The following ASAP1 variants were observed in gnomAD, a reference collection of about 807,000 sequenced individuals.
The protein encoded by ASAP1 is ArfGAP with SH3 domain, ankyrin repeat and PH domain 1, also known as arf-GAP with SH3 domain, ANK repeat and PH domain-containing protein 1.
A neutral mutation model predicts 145.2 loss-of-function variants in ASAP1; 43 were observed. That is an observed-to-expected ratio of 0.30 (90% CI 0.23 to 0.38). ASAP1 has a LOEUF of 0.38. Among genes scored for constraint, ASAP1 ranks in the 10% least tolerant of loss-of-function variants. The pLI is 1.00. For synonymous variants in ASAP1, 546 were observed against 515.5 expected, an observed-to-expected ratio of 1.06 and a Z score of -0.80; for missense variants, 1,018 against 1,355.3, an observed-to-expected ratio of 0.75 and a Z score of 3.91.
At chr8:130,270,600 A>C (rs954307384) in intron 3 of ASAP1, among the ~76,000 whole-genome samples, 4 of 152,226 alleles carry the variant, frequency 2.6e-5, no homozygotes, top group African/African-American at 9.6e-5. Context: ...TAAGAACACA[A>C]AAACTAAACC....
At chr8:130,125,907 T>G (rs778711222) in intron 17 of ASAP1, 49 bp downstream of exon 17, 1 of 1,544,344 alleles carries the variant, frequency 6.5e-7, no homozygotes, top group Non-Finnish European at 8.7e-7. Context: ...TATATTAAAA[T>G]TACTCATGAC....
At chr8:130,288,459 G>A (rs1466124940) in intron 3 of ASAP1, among the ~76,000 whole-genome samples, 2 of 152,090 alleles carry the variant, frequency 1.3e-5, no homozygotes, top group African/African-American at 2.4e-5. Context: ...ATTTGGAGGC[G>A]CAGTGTCCTA....
intron 14 of ASAP1, among the ~76,000 whole-genome samples, chr8:130,135,502 C>A (rs1162584602): frequency 2.7e-5 from 4 of 146,452 alleles, no homozygotes; most frequent in African/African-American, 1.0e-4. Context: ...AAAAACAAAA[C>A]AAAAAAAACC....
At chr8:130,063,405 C>A (rs2097423378) in intron 27 of ASAP1, among the ~76,000 whole-genome samples, 1 of 152,146 alleles carries the variant, frequency 6.6e-6, no homozygotes, top group South Asian at 2.1e-4. Context: ...GGTATTTAGA[C>A]CCTGTTCCAC....
rs542889053 is a variant in ASAP1, at chr8:130,121,319, G to A, written c.1608-2644C>T. Among the ~76,000 whole-genome samples, 4 of 152,330 alleles carry A rather than the reference G, an allele frequency of 2.6e-5. No homozygotes were observed. In the South Asian group the frequency reaches 8.3e-4, roughly 32 times the overall value. On this transcript the variant is annotated intron_variant, in intron 18 of 29. Coordinates refer to ENST00000518721, the MANE Select transcript of ASAP1 (RefSeq NM_018482.4). Reference sequence around the variant, plus strand: ...CTCAGCCCTACTGACATTTGGGGCTGGGTACATTCTTTTCTCTTGACAGCT... The same window carrying A: ...CTCAGCCCTACTGACATTTGGGGCTAGGTACATTCTTTTCTCTTGACAGCT...
At chr8:130,213,329 G>A (rs961796192) in intron 5 of ASAP1, among the ~76,000 whole-genome samples, 8 of 152,192 alleles carry the variant, frequency 5.3e-5, no homozygotes, top group African/African-American at 1.9e-4. Flanking sequence ...AAACTGTCAG[G>A]AAGACAGACA....
intron 1 of ASAP1, among the ~76,000 whole-genome samples, chr8:130,406,133 C>T (rs1011099302): frequency 6.6e-6 from 1 of 152,176 alleles, no homozygotes; most frequent in African/African-American, 2.4e-5. Context: ...GAATACATTT[C>T]AATTACCATA....
chr8:130,380,019 T>TA (rs912933383), intron 2 of ASAP1, among the ~76,000 whole-genome samples: 2 of 152,194 alleles, frequency 1.3e-5, no homozygotes, highest in Admixed American at 6.5e-5. Flanking sequence ...AGTGGGCAGC[T>TA]AGCCTGCACC....
At chr8:130,101,508 GATTT>G (rs1382939726) in intron 24 of ASAP1, among the ~76,000 whole-genome samples, 3 of 151,886 alleles carry the variant, frequency 2.0e-5, no homozygotes, top group African/African-American at 7.3e-5. Flanking sequence ...TCCTTGGTTA[GATTT>G]ATTCCTGGGT....
chr8:130,123,899 A>G lies in ASAP1; in HGVS notation c.1607+114T>C, dbSNP rs193149578. On this transcript the variant is annotated intron_variant, in intron 18 of 29. Coordinates refer to ENST00000518721, the MANE Select transcript of ASAP1 (RefSeq NM_018482.4). Reference sequence around the variant, plus strand: ...TGCCTCAGCCTCCCAAAGTGCTGGGATTACAGGCGTGAGCCACTGCACCCA... The same window carrying G: ...TGCCTCAGCCTCCCAAAGTGCTGGGGTTACAGGCGTGAGCCACTGCACCCA... 248 of 709,176 alleles carry G rather than the reference A, an allele frequency of 3.5e-4. 2 individuals carry two copies. In the East Asian group the frequency reaches 6.3e-3, roughly 18 times the overall value. 43.9% of individuals were successfully genotyped at this position (709,176 alleles called of 1,614,324 possible). A position where few individuals can be genotyped will look rare whatever the true frequency, so the allele number is the denominator to read the frequency against.
chr8:130,309,807 T>A (rs1357600561), intron 3 of ASAP1, among the ~76,000 whole-genome samples: 2 of 152,198 alleles, frequency 1.3e-5, no homozygotes, highest in African/African-American at 2.4e-5. Flanking sequence ...AATCACAAGC[T>A]GTACTGCCAG....
At chr8:130,188,231 C>T (rs1268623659) in intron 5 of ASAP1, 48 bp from the exon 6 acceptor site, 3 of 1,456,180 alleles carry the variant, frequency 2.1e-6, no homozygotes, top group Non-Finnish European at 2.9e-6. Flanking sequence ...ATAAAGTCCA[C>T]ATGAACAATA....
At chr8:130,190,100 C>T (rs1166759653) in intron 5 of ASAP1, among the ~76,000 whole-genome samples, 1 of 152,164 alleles carries the variant, frequency 6.6e-6, no homozygotes, top group Non-Finnish European at 1.5e-5. Context: ...TGGGTTGTCT[C>T]TTCACTTTGT....
At chr8:130,362,388 CTTTT>C (rs1261433460) in intron 2 of ASAP1, among the ~76,000 whole-genome samples, 2 of 152,186 alleles carry the variant, frequency 1.3e-5, no homozygotes, top group African/African-American at 4.8e-5. Context: ...AGGGAACACA[CTTTT>C]TATTACATGG....
chr8:130,166,950 A>G (rs1192555357), intron 11 of ASAP1, among the ~76,000 whole-genome samples: 1 of 152,232 alleles, frequency 6.6e-6, no homozygotes. Flanking sequence ...AAGTTGTAGA[A>G]TGTACTATGT....
chr8:130,271,630 G>C (rs1229521725), intron 3 of ASAP1, among the ~76,000 whole-genome samples: 1 of 152,140 alleles, frequency 6.6e-6, no homozygotes, highest in East Asian at 1.9e-4. Flanking sequence ...TTAGGAGTAT[G>C]ATACAAGCCC....
chr8:130,139,721 A>G (rs781501907), intron 13 of ASAP1, among the ~76,000 whole-genome samples: 1 of 152,004 alleles, frequency 6.6e-6, no homozygotes, highest in Non-Finnish European at 1.5e-5. Context: ...AGGGTGACAG[A>G]GCAAGACTCC....
chr8:130,313,490 A>T (rs1823480098), intron 3 of ASAP1, among the ~76,000 whole-genome samples: 2 of 152,142 alleles, frequency 1.3e-5, no homozygotes, highest in Admixed American at 1.3e-4. Flanking sequence ...CCTTCATGCA[A>T]ATTTACTGTA....
chr8:130,297,173 TA>T (rs1822335038), intron 3 of ASAP1, among the ~76,000 whole-genome samples: 1 of 152,200 alleles, frequency 6.6e-6, no homozygotes, highest in Non-Finnish European at 1.5e-5. Flanking sequence ...CACTGGTTTT[TA>T]AAAAATATAT....
Sources: gnomAD v4.1 joint callset for allele counts (sites outside exome capture counted in the v4.1 genomes callset) on GRCh38, gnomAD v4.1.1 for gene constraint, MANE v1.5 for transcripts, NCBI Gene and HGNC (gene_info 2026-07-23, HGNC 2026-07-21) for gene names.